The following DCDC1 variants were observed in gnomAD, a reference collection of about 807,000 sequenced individuals.
DCDC1 encodes doublecortin domain containing 1.
DCDC1 carries 200 observed loss-of-function variants against 178.3 expected under a neutral mutation model. The observed-to-expected ratio is 1.12, with a 90% CI of 1.00 to 1.26. DCDC1 has a LOEUF of 1.26. DCDC1 is among the 50% of genes most tolerant of loss of function. The pLI, the probability that DCDC1 is intolerant of heterozygous loss-of-function variation, is 0.00. For synonymous variants in DCDC1, 690 were observed against 604.8 expected, an observed-to-expected ratio of 1.14 and a Z score of -2.07; for missense variants, 1,983 against 1,749.2, an observed-to-expected ratio of 1.13 and a Z score of -2.38.
At chr11:30,868,585 A>C (rs1941238849) in intron 38 of DCDC1, among the ~76,000 whole-genome samples, 1 of 151,988 alleles carries the variant, frequency 6.6e-6, no homozygotes, top group Non-Finnish European at 1.5e-5. Flanking sequence ...AAGTTTGCTC[A>C]TCTGGGCCTG....
intron 20 of DCDC1, among the ~76,000 whole-genome samples, chr11:30,953,965 G>T (rs1026857096): frequency 2.7e-5 from 4 of 147,496 alleles, no homozygotes; most frequent in Non-Finnish European, 4.5e-5. Flanking sequence ...TGAAAAGTAA[G>T]AGTATATTAT....
At chr11:31,111,580 TA>T (rs915060887) in intron 11 of DCDC1, among the ~76,000 whole-genome samples, 2 of 151,874 alleles carry the variant, frequency 1.3e-5, no homozygotes, top group East Asian at 3.9e-4. Context: ...CAATTCTGAG[TA>T]AAAAAAATCT....
intron 20 of DCDC1, among the ~76,000 whole-genome samples, chr11:30,954,374 T>C (rs958095732): frequency 6.6e-6 from 1 of 152,078 alleles, no homozygotes; most frequent in Non-Finnish European, 1.5e-5. Context: ...AGATTTGAAA[T>C]AGAAAATACT....
At chr11:31,315,137 T>C (rs952782052) in intron 3 of DCDC1, among the ~76,000 whole-genome samples, 1 of 152,044 alleles carries the variant, frequency 6.6e-6, no homozygotes, top group East Asian at 1.9e-4. Flanking sequence ...ATGGCATTAG[T>C]AAACCTTAGT....
chr11:30,931,632 T>C, intron 22 of DCDC1, 139 bp downstream of exon 22: 3 of 866,674 alleles, frequency 3.5e-6, no homozygotes, highest in Non-Finnish European at 3.4e-6. Flanking sequence ...TAGTCTCTAT[T>C]TTCATCTTCA....
intron 20 of DCDC1, among the ~76,000 whole-genome samples, chr11:31,042,874 C>A (rs775248191): frequency 7.9e-5 from 12 of 152,104 alleles, no homozygotes; most frequent in Non-Finnish European, 1.6e-4. Flanking sequence ...TGACCTGGAT[C>A]TAAGGCAACT....
In DCDC1 at chr11:30,920,940, G is replaced by A. The variant is rs1330569225; in HGVS notation, c.3134-5C>T. On this transcript the variant is annotated splice_polypyrimidine_tract_variant and splice_region_variant and intron_variant, in intron 24 of 38. Transcript: ENST00000684477. ...TTTGGACTTCTAAAACAAGAGCTGA[G>A]CAGAAATTCACAAATTGCAAAGACA... 2.5e-6 allele frequency: 4 copies of A among 1,605,402 alleles called. No homozygotes were observed. The highest frequency in any genetic ancestry group is 3.4e-6 in the Non-Finnish European group (4 of 1,175,516).
chr11:30,924,203 C>A (rs186710337), intron 23 of DCDC1, among the ~76,000 whole-genome samples: 5 of 152,266 alleles, frequency 3.3e-5, no homozygotes, highest in Non-Finnish European at 4.4e-5. Context: ...GTGAATAGCA[C>A]AGCAGACCAA....
intron 36 of DCDC1, among the ~76,000 whole-genome samples, chr11:30,892,373 G>A (rs527429912): frequency 3.9e-5 from 6 of 152,076 alleles, no homozygotes; most frequent in East Asian, 1.9e-4. Flanking sequence ...TAAATGATTC[G>A]TGGTGGGTAA....
At chr11:31,360,868 A>G (rs1951675757) in intron 1 of DCDC1, among the ~76,000 whole-genome samples, 1 of 152,162 alleles carries the variant, frequency 6.6e-6, no homozygotes, top group South Asian at 2.1e-4. Context: ...TGTTAGTTGG[A>G]CCTACTCTAT....
At chr11:30,893,486 G>A (rs376797299) in intron 35 of DCDC1, among the ~76,000 whole-genome samples, 2 of 152,082 alleles carry the variant, frequency 1.3e-5, no homozygotes, top group East Asian at 3.9e-4. Flanking sequence ...TCCCTGCCAG[G>A]CAGCTTTTTA....
At chr11:31,312,254 G>A (rs1948814332) in intron 3 of DCDC1, among the ~76,000 whole-genome samples, 1 of 152,054 alleles carries the variant, frequency 6.6e-6, no homozygotes, top group Non-Finnish European at 1.5e-5. Flanking sequence ...TGCCTACATA[G>A]CATTTATGTC....
chr11:31,012,310 A>G (rs1353749778), intron 20 of DCDC1, among the ~76,000 whole-genome samples: 8 of 152,334 alleles, frequency 5.3e-5, no homozygotes, highest in African/African-American at 1.4e-4. Flanking sequence ...TGAAAAACTG[A>G]AAATAGGCTG....
intron 20 of DCDC1, among the ~76,000 whole-genome samples, chr11:30,956,625 C>A (rs909289013): frequency 2.0e-5 from 3 of 151,986 alleles, no homozygotes; most frequent in African/African-American, 7.2e-5. Context: ...ATTACTTTTA[C>A]TTTAAAGTTA....
intron 9 of DCDC1, among the ~76,000 whole-genome samples, chr11:31,169,029 T>A (rs776645937): frequency 6.6e-6 from 1 of 152,124 alleles, no homozygotes; most frequent in African/African-American, 2.4e-5. Flanking sequence ...CTGGTACATA[T>A]ACACCGTGGA....
chr11:30,903,923 C>A, intron 31 of DCDC1: 1 of 325,928 alleles, frequency 3.1e-6, no homozygotes, highest in Non-Finnish European at 5.6e-6. Context: ...ACAAATTTAA[C>A]ATGGCAGCTG....
chr11:30,897,548 A>G (rs1341673056), intron 34 of DCDC1, among the ~76,000 whole-genome samples: 2 of 135,586 alleles, frequency 1.5e-5, no homozygotes, highest in Admixed American at 1.8e-4. Flanking sequence ...GCACCGCTGG[A>G]CTCCAGCCTG....
rs74404098 is a variant in DCDC1, at chr11:31,083,797, T to C, written c.2238-5872A>G. Among the ~76,000 whole-genome samples the C allele has an allele frequency of 3.8e-4, 58 of 152,320 alleles. No individual in the cohort carries two copies. In the East Asian group the frequency reaches 9.7e-3, roughly 25 times the overall value. Reference sequence around the variant, plus strand: ...ACCTTTATAATCTAATCTTCCTCTGTGCGTGCATGTGTGTGCAAGTGTTTG... The same window carrying C: ...ACCTTTATAATCTAATCTTCCTCTGCGCGTGCATGTGTGTGCAAGTGTTTG... On this transcript the variant is annotated intron_variant, in intron 17 of 38. Coordinates refer to ENST00000684477, the MANE Select transcript of DCDC1 (RefSeq NM_001387274.1).
intron 7 of DCDC1, among the ~76,000 whole-genome samples, chr11:31,269,288 T>C (rs1370315819): frequency 6.6e-6 from 1 of 152,242 alleles, no homozygotes; most frequent in Non-Finnish European, 1.5e-5. Flanking sequence ...GTCATCTTGC[T>C]GTAATATTAA....
Sources: gnomAD v4.1 joint callset for allele counts (sites outside exome capture counted in the v4.1 genomes callset) on GRCh38, gnomAD v4.1.1 for gene constraint, MANE v1.5 for transcripts, NCBI Gene and HGNC (gene_info 2026-07-23, HGNC 2026-07-21) for gene names.